Variants in ABCG2 observed in about 807,000 individuals in gnomAD.
ABCG2 encodes ATP binding cassette subfamily G member 2 (JR blood group), also known as broad substrate specificity ATP-binding cassette transporter ABCG2.
A neutral mutation model predicts 73.5 loss-of-function variants in ABCG2; 80 were observed. The observed-to-expected ratio is 1.09, with a 90% CI of 0.91 to 1.31. The LOEUF (loss-of-function observed/expected upper bound fraction) is 1.31. Among genes scored for constraint, ABCG2 ranks in the 50% most tolerant of loss-of-function variants. The probability of loss-of-function intolerance (pLI) is 0.00; values close to 1 mark genes in which losing one functional copy is unlikely to be tolerated. For missense variants in ABCG2, 796 were observed against 786.2 expected (o/e 1.01, Z -0.15); for synonymous variants, 269 against 282.4 (o/e 0.95, Z 0.48).
In ABCG2 at chr4:88,158,558, G is replaced by C; in HGVS notation, c.-192C>G. On this transcript the variant is annotated 5_prime_UTR_variant, in exon 1 of 16. Coordinates refer to ENST00000237612, the MANE Select transcript of ABCG2 (RefSeq NM_004827.3). Reference sequence around the variant, plus strand: ...AACAAGACCACCAAGCATGTGCACGGTGCGTTCCTAAATCCTACCCAGTTC... The same window carrying C: ...AACAAGACCACCAAGCATGTGCACGCTGCGTTCCTAAATCCTACCCAGTTC... 2.2e-6 allele frequency: 1 copy of C among 456,420 alleles called. No homozygotes were observed. Among genetic ancestry groups the C allele is most frequent in the Non-Finnish European group, 4.4e-6 (1 of 226,960 alleles). 28.3% of individuals were successfully genotyped at this position (456,420 alleles called of 1,614,324 possible).
intron 1 of ABCG2, among the ~76,000 whole-genome samples, chr4:88,148,801 C>G (rs1726240117): frequency 6.6e-6 from 1 of 152,130 alleles, no homozygotes; most frequent in South Asian, 2.1e-4. Context: ...AGTTTTCTGA[C>G]ATTGTAAAGT....
rs145080497 is a variant in ABCG2, at chr4:88,167,492, A to G, written c.-19-27478T>C. Among the ~76,000 whole-genome samples, 920 of 149,006 alleles carry G rather than the reference A, an allele frequency of 6.2e-3. 7 individuals are homozygous for G. The highest frequency in any genetic ancestry group is 0.022 in the African/African-American group (876 of 40,380). On this transcript the variant is annotated intron_variant, in intron 1 of 15. Transcript: ENST00000515655. ...AGGCTCAAGCAATTATCCTGCCTCA[A>G]CCTCCCGAGTAGCTGGACTACAGGC...
In ABCG2 at chr4:88,102,545, G is replaced by A. The variant is rs541510643; in HGVS notation, c.1278-1226C>T. Among the ~76,000 whole-genome samples the A allele has an allele frequency of 2.0e-3, 300 of 150,420 alleles. 3 individuals carry two copies. The Middle Eastern group carries it at 0.034, about 17-fold the overall frequency. On this transcript the variant is annotated intron_variant, in intron 10 of 15. Transcript: ENST00000237612. ...TGGGACGTGGAGGTTGCAGTGAGCT[G>A]AGATCGCGCCACTGCACTCCAGCCT... is the stretch of plus-strand genomic sequence containing the variant.
At chr4:88,211,754 G>A (rs1729610324) in intron 1 of ABCG2, among the ~76,000 whole-genome samples, 1 of 151,998 alleles carries the variant, frequency 6.6e-6, no homozygotes, top group African/African-American at 2.4e-5. Context: ...GATATTTTGG[G>A]GAATACAGCA....
chr4:88,192,773 G>A (rs139710555), intron 1 of ABCG2, among the ~76,000 whole-genome samples: 6,114 of 149,460 alleles, frequency 0.041, 191 homozygotes, highest in Middle Eastern at 0.07. Flanking sequence ...GTGCAGTGGC[G>A]CAATCTCGGC....
intron 1 of ABCG2, among the ~76,000 whole-genome samples, chr4:88,224,544 T>G (rs1308721543): frequency 6.6e-6 from 1 of 152,028 alleles, no homozygotes; most frequent in Non-Finnish European, 1.5e-5. Flanking sequence ...CAGGCTGGAA[T>G]GCAGTGGCGT....
chr4:88,214,957 T>C (rs187476554), intron 1 of ABCG2, among the ~76,000 whole-genome samples: 27 of 151,510 alleles, frequency 1.8e-4, no homozygotes, highest in Non-Finnish European at 2.4e-4. Flanking sequence ...CCATGCAACA[T>C]GGTGCACACC....
chr4:88,137,761 A>G (rs1223074235), intron 2 of ABCG2, among the ~76,000 whole-genome samples: 2 of 152,232 alleles, frequency 1.3e-5, no homozygotes, highest in African/African-American at 4.8e-5. Context: ...AAAAAACAGT[A>G]ATGACCATGG....
intron 1 of ABCG2, among the ~76,000 whole-genome samples, chr4:88,178,036 G>A (rs1050421521): frequency 1.3e-5 from 2 of 152,144 alleles, no homozygotes; most frequent in Admixed American, 6.6e-5. Context: ...GTGCTATGCT[G>A]GGCTCAAAAC....
chr4:88,147,836 T>C (rs1726158684), intron 1 of ABCG2, among the ~76,000 whole-genome samples: 1 of 152,160 alleles, frequency 6.6e-6, no homozygotes, highest in Admixed American at 6.5e-5. Flanking sequence ...AGCATGAAAT[T>C]TGTGAAAGGT....
intron 2 of ABCG2, among the ~76,000 whole-genome samples, chr4:88,135,026 T>C (rs947026276): frequency 6.6e-6 from 1 of 152,158 alleles, no homozygotes; most frequent in Admixed American, 6.5e-5. Flanking sequence ...CCCTTACATA[T>C]TACCTAGGGC....
At chr4:88,230,496 A>C (rs1254308026) in intron 1 of ABCG2, among the ~76,000 whole-genome samples, 1 of 151,842 alleles carries the variant, frequency 6.6e-6, no homozygotes, top group African/African-American at 2.4e-5. Context: ...CTCTGCTCCA[A>C]GTGGCCTATA....
At chr4:88,219,706 C>T (rs1319188733) in intron 1 of ABCG2, among the ~76,000 whole-genome samples, 1 of 151,124 alleles carries the variant, frequency 6.6e-6, no homozygotes, top group Non-Finnish European at 1.5e-5. Flanking sequence ...CTCAGCCTCC[C>T]CAGCAGCTGG....
Position 88,158,484 on chromosome 4 carries a change from T to C in ABCG2, c.-118A>G, listed in dbSNP as rs149303037. The C allele has an allele frequency of 2.2e-6, 1 of 456,266 alleles. No individual in the cohort carries two copies. Among genetic ancestry groups the C allele is most frequent in the Non-Finnish European group, 4.4e-6 (1 of 226,888 alleles). The allele number at this position is 456,266 out of a possible 1,614,324, so 28.3% of individuals were successfully genotyped here. A position where few individuals can be genotyped will look rare whatever the true frequency, so the allele number is the denominator to read the frequency against. The stretch of plus-strand genomic sequence containing the variant: ...ACAATTAAGGATGTAAATGTTGGGA[T>C]GAGTCACCCGGACCTTCCAAACAAA... On this transcript the variant is annotated 5_prime_UTR_variant, in exon 1 of 16. Transcript: ENST00000237612.
intron 10 of ABCG2, among the ~76,000 whole-genome samples, chr4:88,105,424 A>G (rs1422651667): frequency 6.6e-6 from 1 of 152,232 alleles, no homozygotes; most frequent in African/African-American, 2.4e-5. Flanking sequence ...TTCTCCATAC[A>G]TGAAATAACC....
chr4:88,164,561 T>C (rs1727439713), intron 1 of ABCG2, among the ~76,000 whole-genome samples: 1 of 152,112 alleles, frequency 6.6e-6, no homozygotes, highest in African/African-American at 2.4e-5. Flanking sequence ...AAGGATGTGT[T>C]TGCTTCCCCT....
intron 1 of ABCG2, among the ~76,000 whole-genome samples, chr4:88,187,093 CAAAAAAAAAAAAAAA>C (rs61116461): frequency 2.2e-5 from 1 of 45,194 alleles, no homozygotes; most frequent in African/African-American, 9.7e-5. Flanking sequence ...GATTCTGTCT[CAAAAAAAAAAAAAAA>C]AAAAAAAAAA....
intron 1 of ABCG2, among the ~76,000 whole-genome samples, chr4:88,202,501 G>A (rs1042475990): frequency 9.3e-5 from 14 of 151,118 alleles, no homozygotes; most frequent in Non-Finnish European, 1.6e-4. Flanking sequence ...AATTTATTGC[G>A]TGAAAAGGAG....
At chr4:88,181,398 C>CAAAAAAAAAAAAAAAAAAGAAA (rs1728231019) in intron 1 of ABCG2, among the ~76,000 whole-genome samples, 1 of 96,894 alleles carries the variant, frequency 1.0e-5, no homozygotes, top group Non-Finnish European at 2.0e-5. Flanking sequence ...GACTCCATCT[C>CAAAAAAAAAAAAAAAAAAGAAA]AAAAAAAAAA....
Sources: gnomAD v4.1 joint callset for allele counts (sites outside exome capture counted in the v4.1 genomes callset) on GRCh38, gnomAD v4.1.1 for gene constraint, MANE v1.5 for transcripts, NCBI Gene and HGNC (gene_info 2026-07-23, HGNC 2026-07-21) for gene names.